The following KAT6A variants were observed in gnomAD, a reference collection of about 807,000 sequenced individuals.
KAT6A encodes the protein histone acetyltransferase KAT6A.
A neutral mutation model predicts 198.4 loss-of-function variants in KAT6A; 9 were observed. That is an observed-to-expected ratio of 0.05 (90% CI 0.03 to 0.08). The LOEUF is 0.08. Ranked by LOEUF, KAT6A falls within the 10% of genes least tolerant of loss-of-function variation. The pLI, the probability that KAT6A is intolerant of heterozygous loss-of-function variation, is 1.00. For synonymous variants in KAT6A, 890 were observed against 883.0 expected, an observed-to-expected ratio of 1.01 and a Z score of -0.14; for missense variants, 2,077 against 2,509.9, an observed-to-expected ratio of 0.83 and a Z score of 3.69.
intron 8 of KAT6A, among the ~76,000 whole-genome samples, chr8:41,967,394 C>T (rs926361048): frequency 7.3e-5 from 11 of 151,124 alleles, no homozygotes; most frequent in Non-Finnish European, 1.3e-4. Flanking sequence ...GCGCTGCACC[C>T]ACTAACTCGT....
chr8:41,981,031 A>G, intron 4 of KAT6A, 104 bp from the exon 5 acceptor site: 1 of 847,226 alleles, frequency 1.2e-6, no homozygotes, highest in East Asian at 2.5e-5. Context: ...TCTTAAAAAA[A>G]GAGATAAGCC....
At chr8:41,948,377 T>C (rs1464049671) in intron 10 of KAT6A, among the ~76,000 whole-genome samples, 1 of 152,196 alleles carries the variant, frequency 6.6e-6, no homozygotes, top group East Asian at 1.9e-4. Context: ...TGATCGGGCT[T>C]GAACCCAGAT....
At chr8:41,954,089 G>A (rs1822802086) in intron 9 of KAT6A, among the ~76,000 whole-genome samples, 1 of 152,086 alleles carries the variant, frequency 6.6e-6, no homozygotes, top group Non-Finnish European at 1.5e-5. Flanking sequence ...TAGTTTCCTG[G>A]GGTTTTGCTT....
At chr8:42,021,661 T>C (rs975174113) in intron 2 of KAT6A, among the ~76,000 whole-genome samples, 1 of 152,212 alleles carries the variant, frequency 6.6e-6, no homozygotes, top group African/African-American at 2.4e-5. Context: ...CCAGGCACAG[T>C]GGCACACACC....
At chr8:42,011,803 C>G (rs1826031436) in intron 2 of KAT6A, among the ~76,000 whole-genome samples, 1 of 146,976 alleles carries the variant, frequency 6.8e-6, no homozygotes, top group Non-Finnish European at 1.5e-5. Context: ...TTGAGGCATA[C>G]AGAGGATTAT....
chr8:42,008,184 C>A (rs1825843096), intron 2 of KAT6A, among the ~76,000 whole-genome samples: 1 of 151,938 alleles, frequency 6.6e-6, no homozygotes, highest in African/African-American at 2.4e-5. Context: ...ATATACAGAG[C>A]CAGAGAGACT....
At chr8:42,051,327 G>C (rs1802623662) in intron 1 of KAT6A, among the ~76,000 whole-genome samples, 1 of 151,136 alleles carries the variant, frequency 6.6e-6, no homozygotes, top group Non-Finnish European at 1.5e-5. Flanking sequence ...AACACCCGCC[G>C]GCCTGTCAGC....
At position 41,977,344 on chromosome 8, in the gene KAT6A, G is replaced by A; in HGVS notation, c.1044-17C>T. The stretch of plus-strand genomic sequence containing the variant: ...CCTTTTGATCTAAACAATTAAACAG[G>A]GGAAAGGGTAAGTATTAAAAAAGAT... On this transcript the variant is annotated splice_polypyrimidine_tract_variant and intron_variant, in intron 6 of 16. Transcript: ENST00000265713. The A allele has an allele frequency of 6.3e-7, 1 of 1,588,092 alleles. No homozygotes were observed. Among genetic ancestry groups the A allele is most frequent in the Non-Finnish European group, 8.6e-7 (1 of 1,163,766 alleles).
Position 41,974,760 on chromosome 8 carries a change from T to C in KAT6A, c.1426A>G (p.Ile476Val). The change falls in exon 8 of 17, where the codon ATC (isoleucine) becomes GTC (valine). Residue 476 changes from isoleucine to valine, a missense_variant. Ile to Val is a conservative substitution (Grantham distance 29). Around this residue, in one of 13 missense-constraint regions of KAT6A, gnomAD observed 206 missense variants for 214.9 expected, o/e 0.96. Transcript: ENST00000265713. ...AATTCCATATCTTTCTCAGTCATGA[T>C]TTCCTGGCTCCCAAAAAGTCGCTCC... ...NEERLFGSQE[I>V]MTEKDMELFR... 9.9e-6 allele frequency: 16 copies of C among 1,610,836 alleles called. No homozygotes were observed. The highest frequency in any genetic ancestry group is 3.3e-5 in the South Asian group (3 of 90,452).
intron 2 of KAT6A, among the ~76,000 whole-genome samples, chr8:42,004,487 G>A (rs1041604115): frequency 3.9e-5 from 6 of 152,104 alleles, no homozygotes; most frequent in Non-Finnish European, 7.4e-5. Flanking sequence ...ACATTTTGCA[G>A]TCTAGATACT....
intron 1 of KAT6A, chr8:42,049,697 T>C (rs979597068): frequency 6.6e-6 from 1 of 152,208 alleles, no homozygotes; most frequent in Admixed American, 6.5e-5. Context: ...TCTGGATTAG[T>C]AGAAAGAATC....
chr8:42,024,795 G>C (rs1455345674), intron 2 of KAT6A, among the ~76,000 whole-genome samples: 1 of 151,996 alleles, frequency 6.6e-6, no homozygotes, highest in Non-Finnish European at 1.5e-5. Flanking sequence ...AGTATTCCAT[G>C]GTGTGTATAT....
chr8:41,935,029 CTAAT>C (rs1821781121), intron 16 of KAT6A, among the ~76,000 whole-genome samples, 162 bp from the exon 17 acceptor site: 1 of 152,178 alleles, frequency 6.6e-6, no homozygotes, highest in African/African-American at 2.4e-5. Flanking sequence ...GAGGATAAAA[CTAAT>C]TAGTGACATA....
chr8:42,048,418 C>T lies in KAT6A; in HGVS notation c.560G>A (p.Cys187Tyr). 1 of 1,614,062 alleles carries T rather than the reference C, an allele frequency of 6.2e-7. No individual in the cohort carries two copies. Among genetic ancestry groups the T allele is most frequent in the Non-Finnish European group, 8.5e-7 (1 of 1,179,944 alleles). The change falls in exon 2 of 17, where the codon TGT becomes TAT. Residue 187 changes from cysteine to tyrosine, a missense_variant. Cys to Tyr is a radical substitution (Grantham distance 194). Around this residue, in one of 13 missense-constraint regions of KAT6A, gnomAD observed 185 missense variants for 185.7 expected, o/e 1.00. Coordinates refer to ENST00000265713, the MANE Select transcript of KAT6A (RefSeq NM_006766.5). ...TGGAAGAAGGGACACTGGAGGTAAA[C>T]AGGAAAGAGACTCACAACTCTCTTT... Reference protein sequence around the residue: ...DGKESCESLSCLPPVSLLPHE... With the variant: ...DGKESCESLSYLPPVSLLPHE...
intron 8 of KAT6A, among the ~76,000 whole-genome samples, chr8:41,960,391 A>C (rs925889886): frequency 6.6e-6 from 1 of 151,704 alleles, no homozygotes; most frequent in Middle Eastern, 3.5e-3. Flanking sequence ...AGCAAGGTGA[A>C]ACCCCGTCTC....
At chr8:41,987,079 C>A (rs1030727074) in intron 3 of KAT6A, among the ~76,000 whole-genome samples, 1 of 152,064 alleles carries the variant, frequency 6.6e-6, no homozygotes, top group Non-Finnish European at 1.5e-5. Context: ...TGACTGTAGC[C>A]CCGTAAGGTC....
At chr8:41,996,179 A>G (rs556457616) in intron 2 of KAT6A, among the ~76,000 whole-genome samples, 18 of 152,234 alleles carry the variant, frequency 1.2e-4, no homozygotes, top group African/African-American at 1.7e-4. Flanking sequence ...GATAAATTCT[A>G]TAATTTGTCA....
At chr8:42,031,259 GTTT>G (rs1417856039) in intron 2 of KAT6A, among the ~76,000 whole-genome samples, 1 of 152,096 alleles carries the variant, frequency 6.6e-6, no homozygotes, top group Non-Finnish European at 1.5e-5. Flanking sequence ...TCAGAAAAGT[GTTT>G]TTAACTTTTA....
intron 2 of KAT6A, among the ~76,000 whole-genome samples, chr8:42,009,918 A>ACAAAC (rs199793174): frequency 6.7e-6 from 1 of 148,296 alleles, no homozygotes; most frequent in African/African-American, 2.6e-5. Flanking sequence ...AAAAAAACAA[A>ACAAAC]AAAAAACAAA....
Sources: allele counts gnomAD v4.1 joint callset (sites outside exome capture counted in the v4.1 genomes callset), GRCh38; gene constraint gnomAD v4.1.1; regional missense constraint gnomAD v4.1.1; transcripts MANE v1.5; gene names NCBI Gene and HGNC (gene_info 2026-07-23, HGNC 2026-07-21).